The following IGSF11 variants were observed in gnomAD, a reference collection of about 807,000 sequenced individuals.
IGSF11 encodes immunoglobulin superfamily member 11, also known as CXADR like 1.
Under a neutral mutation model 41.0 loss-of-function variants are expected in IGSF11, and 22 were observed. That is an observed-to-expected ratio of 0.54 (90% CI 0.38 to 0.77). The LOEUF (loss-of-function observed/expected upper bound fraction) is 0.77. Among genes scored for constraint, IGSF11 ranks in the 30% least tolerant of loss-of-function variants. The probability of loss-of-function intolerance (pLI) is 0.00; values close to 1 mark genes in which losing one functional copy is unlikely to be tolerated. For synonymous variants in IGSF11, 219 were observed against 201.3 expected, an observed-to-expected ratio of 1.09 and a Z score of -0.74; for missense variants, 444 against 530.8, an observed-to-expected ratio of 0.84 and a Z score of 1.61.
At chr3:119,039,425 G>T (rs1415187146), upstream of IGSF11, among the ~76,000 whole-genome samples, 2 of 152,106 alleles carry the variant, frequency 1.3e-5, no homozygotes, top group Non-Finnish European at 2.9e-5. Flanking sequence ...CCACATTTAA[G>T]GATCCTCGTG....
At chr3:119,029,269 CACACA>C (rs1396634398) in intron 1 of IGSF11, among the ~76,000 whole-genome samples, 15 of 148,800 alleles carry the variant, frequency 1.0e-4, no homozygotes, top group South Asian at 2.1e-4. Flanking sequence ...CACACACACA[CACACA>C]CCCGAGAGAG....
At chr3:119,059,480 G>A (rs531805770) in intron 1 of IGSF11, among the ~76,000 whole-genome samples, 2 of 152,236 alleles carry the variant, frequency 1.3e-5, no homozygotes, top group East Asian at 3.9e-4. Context: ...GATGATGGAT[G>A]CACCAAAATG....
At chr3:118,945,809 T>C (rs1944082713) in intron 1 of IGSF11, 2 of 152,176 alleles carry the variant, frequency 1.3e-5, no homozygotes, top group Non-Finnish European at 2.9e-5. Flanking sequence ...AAACCAGAAA[T>C]GTCCTGGGTT....
Position 118,940,092 on chromosome 3 carries a change from A to G in IGSF11, c.53-9817T>C, listed in dbSNP as rs139898090. Reference sequence around the variant, plus strand: ...AGTACCAATAATTCAAACAGCTAACAAATTTAATGGTAAAAGATTTTCCTC... The same window carrying G: ...AGTACCAATAATTCAAACAGCTAACGAATTTAATGGTAAAAGATTTTCCTC... On this transcript the variant is annotated intron_variant, in intron 1 of 6. Transcript: ENST00000393775. Among the ~76,000 whole-genome samples the G allele has an allele frequency of 3.7e-3, 566 of 152,320 alleles. 3 individuals are homozygous for G. Among genetic ancestry groups the G allele is most frequent in the African/African-American group, 0.013 (529 of 41,580 alleles).
chr3:119,115,571 ATTGT>A (rs59920867), intron 1 of IGSF11, among the ~76,000 whole-genome samples: 35,345 of 151,976 alleles, frequency 0.23, 4,985 homozygotes, highest in Middle Eastern at 0.38. Context: ...GTCTATTCAG[ATTGT>A]TTGCCCATTT....
intron 1 of IGSF11, among the ~76,000 whole-genome samples, chr3:119,095,684 A>G (rs2076837789): frequency 6.6e-6 from 1 of 152,204 alleles, no homozygotes; most frequent in Non-Finnish European, 1.5e-5. Context: ...CACAGAAAAA[A>G]ACAACATTGA....
At chr3:118,959,043 T>C (rs1945153230) in intron 1 of IGSF11, among the ~76,000 whole-genome samples, 1 of 152,092 alleles carries the variant, frequency 6.6e-6, no homozygotes, top group Non-Finnish European at 1.5e-5. Flanking sequence ...ACAAAATACG[T>C]GTAGGGGAGA....
chr3:118,956,151 A>C (rs1415845504), intron 1 of IGSF11, among the ~76,000 whole-genome samples: 1 of 152,166 alleles, frequency 6.6e-6, no homozygotes, highest in Non-Finnish European at 1.5e-5. Context: ...TCTTCACAGA[A>C]TTGAAAAAAA....
intron 1 of IGSF11, chr3:118,949,429 C>T (rs539636395): frequency 6.6e-6 from 1 of 151,258 alleles, no homozygotes; most frequent in Non-Finnish European, 1.5e-5. Context: ...AGAAATACAA[C>T]ACATGAACAT....
chr3:119,082,898 A>AT (rs2076606013), intron 1 of IGSF11, among the ~76,000 whole-genome samples: 1 of 152,158 alleles, frequency 6.6e-6, no homozygotes, highest in Non-Finnish European at 1.5e-5. Context: ...CAAACAAAAA[A>AT]TGTTATTTTG....
intron 1 of IGSF11, among the ~76,000 whole-genome samples, chr3:119,070,365 T>A (rs1468160246): frequency 6.6e-6 from 1 of 152,230 alleles, no homozygotes; most frequent in East Asian, 1.9e-4. Flanking sequence ...AATATTGTTC[T>A]AATTAGAATA....
chr3:119,057,839 C>A lies in IGSF11; in HGVS notation c.49+47305G>T, dbSNP rs570436182. Reference sequence around the variant, plus strand: ...CGCTGCATATCTACAACTATCTGATCTTTGACAAACCTGACAAAAACAAGC... The same window carrying A: ...CGCTGCATATCTACAACTATCTGATATTTGACAAACCTGACAAAAACAAGC... On this transcript the variant is annotated intron_variant, in intron 1 of 6. Transcript: ENST00000354673. Among the ~76,000 whole-genome samples, 693 of 152,286 alleles carry A rather than the reference C, an allele frequency of 4.6e-3. 5 individuals carry two copies. Among genetic ancestry groups the A allele is most frequent in the Middle Eastern group, 0.024 (7 of 294 alleles).
chr3:119,114,114 A>C (rs1203259017), intron 1 of IGSF11, among the ~76,000 whole-genome samples: 1 of 152,224 alleles, frequency 6.6e-6, no homozygotes, highest in African/African-American at 2.4e-5. Flanking sequence ...CTAAGCCTCC[A>C]GGCCTGTGAT....
chr3:118,914,001 G>A (rs565336729), intron 4 of IGSF11, among the ~76,000 whole-genome samples: 1 of 152,170 alleles, frequency 6.6e-6, no homozygotes, highest in Non-Finnish European at 1.5e-5. Flanking sequence ...CAAGGATTAG[G>A]GAAAATGGAA....
chr3:119,089,001 T>C (rs558549920), intron 1 of IGSF11, among the ~76,000 whole-genome samples: 1 of 151,856 alleles, frequency 6.6e-6, no homozygotes, highest in Non-Finnish European at 1.5e-5. Flanking sequence ...TCTACTGACA[T>C]ACAAAGAATA....
At chr3:118,944,445 C>G (rs1190750722) in intron 1 of IGSF11, among the ~76,000 whole-genome samples, 1 of 138,992 alleles carries the variant, frequency 7.2e-6, no homozygotes, top group Non-Finnish European at 1.5e-5. Context: ...GGTCTATTGC[C>G]TTAGCTTGAA....
intron 1 of IGSF11, among the ~76,000 whole-genome samples, chr3:118,987,857 G>A (rs1463049782): frequency 6.6e-6 from 1 of 152,166 alleles, no homozygotes; most frequent in African/African-American, 2.4e-5. Flanking sequence ...TTCCTAAGGA[G>A]AACAATGAAT....
intron 1 of IGSF11, among the ~76,000 whole-genome samples, chr3:119,122,797 C>T (rs2077351066): frequency 6.6e-6 from 1 of 152,210 alleles, no homozygotes; most frequent in African/African-American, 2.4e-5. Context: ...AAGGTCCCAT[C>T]ACCTGCTGAC....
chr3:118,975,947 T>TA (rs1463572276), intron 1 of IGSF11, among the ~76,000 whole-genome samples: 1 of 152,174 alleles, frequency 6.6e-6, no homozygotes, highest in Admixed American at 6.5e-5. Context: ...GGATCATTTG[T>TA]ACCCCAAACC....
Sources: gnomAD v4.1 joint callset for allele counts (sites outside exome capture counted in the v4.1 genomes callset) on GRCh38, gnomAD v4.1.1 for gene constraint, MANE v1.5 for transcripts, NCBI Gene and HGNC (gene_info 2026-07-23, HGNC 2026-07-21) for gene names.